The following RABEP1 variants were observed in gnomAD, a reference collection of about 807,000 sequenced individuals.
The protein encoded by RABEP1 is rab GTPase-binding effector protein 1.
Under a neutral mutation model 123.4 loss-of-function variants are expected in RABEP1, and 51 were observed. That is an observed-to-expected ratio of 0.41 (90% CI 0.33 to 0.52). RABEP1 has a LOEUF of 0.52. Among genes scored for constraint, RABEP1 ranks in the 20% least tolerant of loss-of-function variants. RABEP1 has a pLI of 0.16. For missense variants in RABEP1, 888 were observed against 996.3 expected, an observed-to-expected ratio of 0.89 and a Z score of 1.46; for synonymous variants, 347 against 355.2, an observed-to-expected ratio of 0.98 and a Z score of 0.26.
chr17:5,345,961 AT>A (rs148989514), intron 5 of RABEP1, among the ~76,000 whole-genome samples: 18,223 of 151,974 alleles, frequency 0.12, 1,276 homozygotes, highest in East Asian at 0.17. Flanking sequence ...GAAGAATTGT[AT>A]TTTTTTTGGT....
chr17:5,349,876 A>G (rs1196695785), intron 6 of RABEP1, among the ~76,000 whole-genome samples: 1 of 152,186 alleles, frequency 6.6e-6, no homozygotes, highest in African/African-American at 2.4e-5. Context: ...CAAAATAACA[A>G]TAATAATAAA....
chr17:5,355,461 C>A (rs1267175129), intron 8 of RABEP1, among the ~76,000 whole-genome samples: 1 of 152,186 alleles, frequency 6.6e-6, no homozygotes, highest in East Asian at 1.9e-4. Flanking sequence ...CAAGGGCATT[C>A]ACAGTTGAAT....
chr17:5,310,474 C>T (rs918341129), intron 2 of RABEP1, among the ~76,000 whole-genome samples: 13 of 151,912 alleles, frequency 8.6e-5, no homozygotes, highest in African/African-American at 2.9e-4. Flanking sequence ...TGTGTGCCAC[C>T]ATGCCCGGCT....
intron 15 of RABEP1, 25 bp from the exon 16 acceptor site, chr17:5,380,339 G>A: frequency 2.7e-6 from 4 of 1,491,642 alleles, no homozygotes; most frequent in Non-Finnish European, 3.6e-6. Flanking sequence ...GTTTCTGTGA[G>A]TTTCAGCTTT....
intron 1 of RABEP1, among the ~76,000 whole-genome samples, chr17:5,294,294 G>GA (rs762932203): frequency 1.3e-5 from 2 of 152,172 alleles, no homozygotes; most frequent in Non-Finnish European, 2.9e-5. Context: ...TGAGGCAGGA[G>GA]AACTGCTTGA....
At position 5,338,079 on chromosome 17, in the gene RABEP1, G is replaced by C; in HGVS notation, c.589G>C (p.Ala197Pro). 6.2e-7 allele frequency: 1 copy of C among 1,613,540 alleles called. No homozygotes were observed. The highest frequency in any genetic ancestry group is 8.5e-7 in the Non-Finnish European group (1 of 1,179,552). The change falls in exon 5 of 18, where the codon GCT becomes CCT. Residue 197 changes from alanine (A) to proline (P), a missense_variant. By Grantham distance (27) the Ala-to-Pro change is conservative (BLOSUM62 -1). Coordinates refer to ENST00000537505, the MANE Select transcript of RABEP1 (RefSeq NM_004703.6). ...GATGCCAATGGAAAAGGAAATTGCA[G>C]CTTTGAAGGATAAACTGACAGAGGC... is the stretch of plus-strand genomic sequence containing the variant. ...VVMPMEKEIA[A>P]LKDKLTEAED...
At position 5,374,140 on chromosome 17, in the gene RABEP1, C is replaced by T. The variant is rs1290891831; in HGVS notation, c.2025+686C>T. Reference sequence around the variant, plus strand: ...GGAGTGCAATGGCATCATCTCTGCTCACTGCAACCTCCGCCTCACAGGTTT... The same window carrying T: ...GGAGTGCAATGGCATCATCTCTGCTTACTGCAACCTCCGCCTCACAGGTTT... On this transcript the variant is annotated intron_variant, in intron 13 of 17. Transcript: ENST00000537505. 5.4e-3 allele frequency among the ~76,000 whole-genome samples: 814 copies of T among 151,474 alleles called. 6 individuals carry two copies. Among genetic ancestry groups the T allele is most frequent in the African/African-American group, 0.019 (769 of 40,952 alleles).
chr17:5,286,563 A>G (rs780151714), intron 1 of RABEP1, among the ~76,000 whole-genome samples: 2 of 152,192 alleles, frequency 1.3e-5, no homozygotes, highest in Non-Finnish European at 2.9e-5. Context: ...ATCCTATGCT[A>G]GGATCTAGGA....
intron 2 of RABEP1, among the ~76,000 whole-genome samples, chr17:5,312,202 A>G (rs972456293): frequency 6.6e-6 from 1 of 152,190 alleles, no homozygotes; most frequent in African/African-American, 2.4e-5. Flanking sequence ...GCTGGAGTGC[A>G]GTGGCACAAC....
chr17:5,342,734 G>A (rs1368053610), intron 5 of RABEP1, among the ~76,000 whole-genome samples: 1 of 152,120 alleles, frequency 6.6e-6, no homozygotes, highest in Admixed American at 6.6e-5. Flanking sequence ...GAGAAGTGAA[G>A]GAACAGGAAA....
At chr17:5,316,431 C>A in intron 2 of RABEP1, among the ~76,000 whole-genome samples, 1 of 101,922 alleles carries the variant, frequency 9.8e-6, no homozygotes, top group Non-Finnish European at 1.7e-5. Flanking sequence ...CCGTGGGCGA[C>A]AGAGTGAGAC....
intron 8 of RABEP1, among the ~76,000 whole-genome samples, chr17:5,358,549 C>T (rs1452360566): frequency 1.3e-5 from 2 of 151,972 alleles, no homozygotes; most frequent in African/African-American, 4.8e-5. Context: ...TGGCGCCTGT[C>T]GTCCCAGCTA....
In RABEP1 at chr17:5,385,471, G is replaced by A. The variant is rs2144752321; in HGVS notation, c.*2248G>A. On this transcript the variant is annotated 3_prime_UTR_variant, in exon 18 of 18. Coordinates refer to ENST00000537505, the MANE Select transcript of RABEP1 (RefSeq NM_004703.6). ...ACTCAGCCATTTCTAAGCAGATATA[G>A]TAGTACCTTTCAGAACTCACATTGG... 2 of 230,744 alleles carry A rather than the reference G, an allele frequency of 8.7e-6. No individual in the cohort carries two copies. Among genetic ancestry groups the A allele is most frequent in the South Asian group, 1.8e-4 (1 of 5,498 alleles). 14.3% of individuals were successfully genotyped at this position (230,744 alleles called of 1,614,324 possible).
At chr17:5,317,451 C>G (rs2075309233) in intron 2 of RABEP1, among the ~76,000 whole-genome samples, 1 of 152,122 alleles carries the variant, frequency 6.6e-6, no homozygotes, top group Non-Finnish European at 1.5e-5. Context: ...AAAAAACTTA[C>G]AGCTAACATC....
chr17:5,357,653 G>A (rs766124616), intron 8 of RABEP1, among the ~76,000 whole-genome samples: 5 of 152,172 alleles, frequency 3.3e-5, no homozygotes, highest in Admixed American at 1.3e-4. Context: ...TTACAGGTGT[G>A]AGCCACCGTT....
chr17:5,380,558 T>C lies in RABEP1; in HGVS notation c.2370+96T>C, dbSNP rs144740951. On this transcript the variant is annotated intron_variant, in intron 16 of 17. Coordinates refer to ENST00000537505, the MANE Select transcript of RABEP1 (RefSeq NM_004703.6). ...AAAAAAAAATATTGGTGCTTTGAAGTGTCACCTTTTAAAAAGTTGGCAAAA... is the reference window on the plus strand; with the variant it reads ...AAAAAAAAATATTGGTGCTTTGAAGCGTCACCTTTTAAAAAGTTGGCAAAA... 13 of 1,075,534 alleles carry C rather than the reference T, an allele frequency of 1.2e-5. No homozygotes were observed. The East Asian group carries it at 3.4e-4, about 28-fold the overall frequency. The allele number at this position is 1,075,534 out of a possible 1,614,324, so 66.6% of individuals were successfully genotyped here.
intron 4 of RABEP1, 87 bp from the exon 5 acceptor site, chr17:5,337,932 A>G: frequency 7.1e-7 from 1 of 1,404,474 alleles, no homozygotes; most frequent in East Asian, 2.4e-5. Flanking sequence ...TACTTGTTAT[A>G]ATAATTTTTA....
intron 1 of RABEP1, among the ~76,000 whole-genome samples, chr17:5,288,004 A>C (rs571056410): frequency 6.6e-6 from 1 of 152,124 alleles, no homozygotes; most frequent in South Asian, 2.1e-4. Flanking sequence ...ACCAGGATGG[A>C]GGTTATATTT....
intron 1 of RABEP1, among the ~76,000 whole-genome samples, chr17:5,304,150 A>G (rs896837885): frequency 7.2e-5 from 11 of 152,094 alleles, no homozygotes; most frequent in South Asian, 4.1e-4. Flanking sequence ...TCTCTTGTTT[A>G]TATCAAAATT....
Sources: allele counts gnomAD v4.1 joint callset (sites outside exome capture counted in the v4.1 genomes callset), GRCh38; gene constraint gnomAD v4.1.1; transcripts MANE v1.5; gene names NCBI Gene and HGNC (gene_info 2026-07-23, HGNC 2026-07-21).